The following TEAD1 variants were observed in gnomAD, a reference collection of about 807,000 sequenced individuals.
TEAD1 encodes transcriptional enhancer factor TEF-1.
In TEAD1, 9 loss-of-function variants were observed where a neutral mutation model predicts 54.9. The observed-to-expected ratio is 0.16, with a 90% CI of 0.10 to 0.29. TEAD1 has a LOEUF of 0.29. Among genes scored for constraint, TEAD1 ranks in the 10% least tolerant of loss-of-function variants. TEAD1 has a pLI of 1.00. For missense variants in TEAD1, 387 were observed against 535.9 expected (o/e 0.72, Z 2.74); for synonymous variants, 200 against 187.8 (o/e 1.07, Z -0.53).
In TEAD1 at chr11:12,940,725, T is replaced by A. The variant is rs1949154405; in HGVS notation, c.*3503T>A. On this transcript the variant is annotated 3_prime_UTR_variant, in exon 13 of 13. Coordinates refer to ENST00000527636, the MANE Select transcript of TEAD1 (RefSeq NM_021961.6). Reference sequence around the variant, plus strand: ...CTTAGTTTACTGGCGTTAAAAAAAGTCTCAGCAATTTTCATTATTTCTCGT... The same window carrying A: ...CTTAGTTTACTGGCGTTAAAAAAAGACTCAGCAATTTTCATTATTTCTCGT... The A allele has an allele frequency of 6.6e-6, 1 of 152,184 alleles. No homozygotes were observed. The highest frequency in any genetic ancestry group is 6.5e-5 in the Admixed American group (1 of 15,280). The allele number at this position is 152,184 out of a possible 1,614,324, so 9.4% of individuals were successfully genotyped here. A position where few individuals can be genotyped will look rare whatever the true frequency, so the allele number is the denominator to read the frequency against.
chr11:12,892,377 T>C (rs1269010219), intron 9 of TEAD1, among the ~76,000 whole-genome samples: 1 of 152,154 alleles, frequency 6.6e-6, no homozygotes, highest in African/African-American at 2.4e-5. Context: ...CAGTGGTTCA[T>C]GCCTGTAAAC....
chr11:12,681,014 G>A (rs1943209588), intron 2 of TEAD1, among the ~76,000 whole-genome samples: 2 of 152,260 alleles, frequency 1.3e-5, no homozygotes, highest in South Asian at 4.1e-4. Context: ...ACCATTGTGA[G>A]CCGATGCTTC....
At chr11:12,862,116 A>T in intron 3 of TEAD1, 134 bp from the exon 4 acceptor site, 1 of 648,214 alleles carries the variant, frequency 1.5e-6, no homozygotes. Context: ...GTGCTGTTTT[A>T]TTTTTCTAGT....
intron 2 of TEAD1, among the ~76,000 whole-genome samples, chr11:12,685,638 A>C (rs1205064381): frequency 1.3e-5 from 2 of 152,234 alleles, no homozygotes; most frequent in Admixed American, 6.5e-5. Context: ...AAACAGTAGT[A>C]GTATTTAAAA....
chr11:12,834,498 C>T (rs527447373), intron 3 of TEAD1, among the ~76,000 whole-genome samples: 30 of 152,272 alleles, frequency 2.0e-4, no homozygotes, highest in African/African-American at 6.0e-4. Context: ...ATAATGACAG[C>T]CTCTGTTGAC....
intron 3 of TEAD1, among the ~76,000 whole-genome samples, chr11:12,799,406 C>T (rs534246227): frequency 6.6e-5 from 10 of 152,230 alleles, no homozygotes; most frequent in Admixed American, 1.3e-4. Context: ...AATTAGGTGT[C>T]GAGTTCTATG....
At chr11:12,744,122 A>G (rs921303927) in intron 2 of TEAD1, among the ~76,000 whole-genome samples, 2 of 152,168 alleles carry the variant, frequency 1.3e-5, no homozygotes, top group South Asian at 2.1e-4. Context: ...ATTATCCCCA[A>G]AGGCGTTTGG....
intron 3 of TEAD1, among the ~76,000 whole-genome samples, chr11:12,796,448 A>T (rs1206455000): frequency 6.6e-6 from 1 of 152,202 alleles, no homozygotes; most frequent in East Asian, 1.9e-4. Context: ...TTCTTAGGCT[A>T]CGTGGGATGG....
At chr11:12,731,060 C>G (rs1340053089) in intron 2 of TEAD1, among the ~76,000 whole-genome samples, 3 of 152,114 alleles carry the variant, frequency 2.0e-5, no homozygotes, top group Non-Finnish European at 2.9e-5. Flanking sequence ...GAGGAGCTTA[C>G]TACAGCAAAG....
At position 12,877,793 on chromosome 11, in the gene TEAD1, C is replaced by T. The variant is rs191353258; in HGVS notation, c.331-1915C>T. On this transcript the variant is annotated intron_variant, in intron 5 of 12. Transcript: ENST00000527636. The stretch of plus-strand genomic sequence containing the variant: ...CACCCTCCCTTTCTTCCTTCCTTTT[C>T]TCCTTCATTCTTTTTTTTTCTGATG... Among the ~76,000 whole-genome samples the T allele has an allele frequency of 4.1e-3, 306 of 74,664 alleles. 7 individuals are homozygous for T. In the Admixed American group the frequency reaches 0.053, roughly 13 times the overall value. The allele number at this position is 74,664 out of a possible 152,430, so 49.0% of individuals were successfully genotyped here. A position where few individuals can be genotyped will look rare whatever the true frequency, so the allele number is the denominator to read the frequency against.
At chr11:12,846,503 C>CT (rs146989985) in intron 3 of TEAD1, among the ~76,000 whole-genome samples, 2,852 of 145,848 alleles carry the variant, frequency 0.02, 31 homozygotes, top group Non-Finnish European at 0.033. Flanking sequence ...TGGGCTCTGC[C>CT]TTTTTTTTTT....
At chr11:12,773,063 C>T (rs1358261180) in intron 3 of TEAD1, among the ~76,000 whole-genome samples, 1 of 152,040 alleles carries the variant, frequency 6.6e-6, no homozygotes, top group Non-Finnish European at 1.5e-5. Flanking sequence ...TTTTTCAACT[C>T]AGCTTAATTC....
chr11:12,805,355 T>G (rs1368069983), intron 3 of TEAD1, among the ~76,000 whole-genome samples: 1 of 152,194 alleles, frequency 6.6e-6, no homozygotes, highest in East Asian at 1.9e-4. Flanking sequence ...AACTATAGTT[T>G]GTGAGATGGG....
chr11:12,699,536 G>A (rs1342677772), intron 2 of TEAD1, among the ~76,000 whole-genome samples: 1 of 152,128 alleles, frequency 6.6e-6, no homozygotes, highest in Non-Finnish European at 1.5e-5. Context: ...ATGGAATTTT[G>A]AAACTTATAT....
chr11:12,914,063 C>T (rs755312550), intron 10 of TEAD1, among the ~76,000 whole-genome samples: 19 of 152,206 alleles, frequency 1.2e-4, no homozygotes, highest in Non-Finnish European at 2.1e-4. Context: ...CTGACTCTTT[C>T]ATCCTAGCCA....
rs142533120 is a variant in TEAD1 at position 12,875,591 on chromosome 11, A to G, written c.331-4117A>G. Among the ~76,000 whole-genome samples the G allele has an allele frequency of 9.4e-3, 1,438 of 152,264 alleles. 26 individuals carry two copies. The highest frequency in any genetic ancestry group is 0.033 in the African/African-American group (1,374 of 41,544). On this transcript the variant is annotated intron_variant, in intron 5 of 12. Transcript: ENST00000527636. ...AATATATATTGTAGATAAAGGGGAGATGTTATAAAAATTAAATGAGTAGTC... is the reference window on the plus strand; with the variant it reads ...AATATATATTGTAGATAAAGGGGAGGTGTTATAAAAATTAAATGAGTAGTC...
chr11:12,866,320 G>T (rs1344373409), intron 5 of TEAD1, among the ~76,000 whole-genome samples: 5 of 152,176 alleles, frequency 3.3e-5, no homozygotes, highest in Non-Finnish European at 5.9e-5. Context: ...CATCTGTGAT[G>T]ATATGAATTG....
At chr11:12,885,085 C>T (rs1444334374) in intron 9 of TEAD1, among the ~76,000 whole-genome samples, 16 of 152,134 alleles carry the variant, frequency 1.1e-4, no homozygotes, top group Admixed American at 1.0e-3. Flanking sequence ...CTGTTTTCCC[C>T]ATTTTACAGA....
At chr11:12,773,530 C>G (rs73423634) in intron 3 of TEAD1, among the ~76,000 whole-genome samples, 5,267 of 152,224 alleles carry the variant, frequency 0.035, 329 homozygotes, top group African/African-American at 0.12. Context: ...TGTTGAACAT[C>G]TTTTCATGTG....
Sources: allele counts gnomAD v4.1 joint callset (sites outside exome capture counted in the v4.1 genomes callset), GRCh38; gene constraint gnomAD v4.1.1; transcripts MANE v1.5; gene names NCBI Gene and HGNC (gene_info 2026-07-23, HGNC 2026-07-21).